The following PLCE1 variants were observed in gnomAD, a reference collection of about 807,000 sequenced individuals.
The protein encoded by PLCE1 is phospholipase C epsilon 1, also known as 1-phosphatidylinositol 4,5-bisphosphate phosphodiesterase epsilon-1.
Under a neutral mutation model 242.8 loss-of-function variants are expected in PLCE1, and 119 were observed. That is an observed-to-expected ratio of 0.49 (90% CI 0.42 to 0.57). The LOEUF is 0.57. Among genes scored for constraint, PLCE1 ranks in the 20% least tolerant of loss-of-function variants. PLCE1 has a pLI of 0.00. For synonymous variants in PLCE1, 945 were observed against 1,017.4 expected (o/e 0.93, Z 1.35); for missense variants, 2,441 against 2,788.8 (o/e 0.88, Z 2.81).
At chr10:94,070,890 G>C (rs536699691) in intron 2 of PLCE1, among the ~76,000 whole-genome samples, 1 of 152,014 alleles carries the variant, frequency 6.6e-6, no homozygotes, top group South Asian at 2.1e-4. Flanking sequence ...ACCCTCTTTT[G>C]CTATGAAGCT....
chr10:94,282,284 C>T (rs1372011548), intron 20 of PLCE1, among the ~76,000 whole-genome samples: 1 of 151,628 alleles, frequency 6.6e-6, no homozygotes, highest in South Asian at 2.1e-4. Context: ...TGCAAGAAAA[C>T]GCTAAGGAAG....
intron 1 of PLCE1, among the ~76,000 whole-genome samples, chr10:94,001,887 T>G (rs545007294): frequency 6.6e-6 from 1 of 152,340 alleles, no homozygotes; most frequent in African/African-American, 2.4e-5. Context: ...ACTCTGGGCA[T>G]GAAATTGTAT....
At chr10:94,226,702 C>T (rs2049950540) in intron 4 of PLCE1, among the ~76,000 whole-genome samples, 3 of 151,832 alleles carry the variant, frequency 2.0e-5, no homozygotes, top group Non-Finnish European at 4.4e-5. Flanking sequence ...TCAAAATTAT[C>T]CTTAGGCCTT....
At chr10:94,049,276 T>A (rs2134756113) in intron 2 of PLCE1, among the ~76,000 whole-genome samples, 1 of 152,336 alleles carries the variant, frequency 6.6e-6, no homozygotes, top group East Asian at 1.9e-4. Flanking sequence ...TATTTTCTGC[T>A]AGAAGCTTTA....
chr10:94,311,116 T>A lies in PLCE1; in HGVS notation c.6004-2138T>A, dbSNP rs547959323. ...TGGGAGGAGGAGTGCAGAGCTTCCA[T>A]GTCCTCTCCAGGCCACCCTCCCAGA... On this transcript the variant is annotated intron_variant, in intron 27 of 32. Coordinates refer to ENST00000371380, the MANE Select transcript of PLCE1 (RefSeq NM_016341.4). Among the ~76,000 whole-genome samples the A allele has an allele frequency of 9.8e-5, 15 of 152,318 alleles. No homozygotes were observed. The East Asian group carries it at 2.9e-3, about 29-fold the overall frequency.
In PLCE1 at chr10:94,098,999, G is replaced by T. The variant is rs1046360934; in HGVS notation, c.1207-33175G>T. On this transcript the variant is annotated intron_variant, in intron 2 of 32. Coordinates refer to ENST00000371380, the MANE Select transcript of PLCE1 (RefSeq NM_016341.4). ...AGGCCATCTGGGAAATGCAGGCAAAGTGGAAGTGCCTTTGCTTGGCTCCAA... is the reference window on the plus strand; with the variant it reads ...AGGCCATCTGGGAAATGCAGGCAAATTGGAAGTGCCTTTGCTTGGCTCCAA... 2.0e-5 allele frequency among the ~76,000 whole-genome samples: 3 copies of T among 152,190 alleles called. No individual in the cohort carries two copies. The South Asian group carries it at 6.2e-4, about 31-fold the overall frequency.
intron 5 of PLCE1, among the ~76,000 whole-genome samples, chr10:94,228,145 T>A (rs2050012141): frequency 6.6e-6 from 1 of 152,260 alleles, no homozygotes; most frequent in Non-Finnish European, 1.5e-5. Context: ...GTTCTTATGC[T>A]TTTTCCATCA....
intron 28 of PLCE1, chr10:94,315,595 C>A: frequency 2.3e-6 from 1 of 431,324 alleles, no homozygotes; most frequent in Admixed American, 2.5e-5. Context: ...ATGGTGAAAC[C>A]CTGTCTCCAC....
At position 94,304,566 on chromosome 10, in the gene PLCE1, A is replaced by G. The variant is rs1404986261; in HGVS notation, c.5543A>G (p.Lys1848Arg). The change falls in exon 25 of 33, where the codon AAG becomes AGG. Residue 1848 changes from lysine to arginine, a missense_variant. Lys to Arg is a conservative substitution (Grantham distance 26, BLOSUM62 2). Transcript: ENST00000371380. ...TTGAAACCTCCAGTTCTGTGGGACA[A>G]GAACTGCCCCATGTATCAGAAGTTT... ...YVLKPPVLWD[K>R]NCPMYQKFSP... 6.2e-7 allele frequency: 1 copy of G among 1,613,768 alleles called. No homozygotes were observed. Among genetic ancestry groups the G allele is most frequent in the South Asian group, 1.1e-5 (1 of 91,082 alleles).
intron 4 of PLCE1, among the ~76,000 whole-genome samples, chr10:94,217,272 G>C (rs547158124): frequency 6.6e-6 from 1 of 152,100 alleles, no homozygotes; most frequent in Non-Finnish European, 1.5e-5. Flanking sequence ...TTTACATGGA[G>C]AGTGTTGTTA....
chr10:94,149,940 A>G (rs2047223014), intron 3 of PLCE1, among the ~76,000 whole-genome samples: 1 of 152,164 alleles, frequency 6.6e-6, no homozygotes, highest in Non-Finnish European at 1.5e-5. Context: ...TATTTTTTAT[A>G]TTTATATCTG....
chr10:94,197,111 C>T (rs555686945), intron 4 of PLCE1, among the ~76,000 whole-genome samples: 5 of 152,178 alleles, frequency 3.3e-5, no homozygotes, highest in South Asian at 2.1e-4. Flanking sequence ...TTTTGTCTGG[C>T]ATCTTTCACT....
chr10:94,234,043 A>C lies in PLCE1; in HGVS notation c.1956-11A>C, dbSNP rs541430077. 2 of 1,609,928 alleles carry C rather than the reference A, an allele frequency of 1.2e-6. No homozygotes were observed. Among genetic ancestry groups the C allele is most frequent in the Non-Finnish European group, 1.7e-6 (2 of 1,176,328 alleles). ...TCCTTCAGTCTGAAAAATGTCATTTACTTGCAATAGGTCAAGAAAAGTTTT... is the reference window on the plus strand; with the variant it reads ...TCCTTCAGTCTGAAAAATGTCATTTCCTTGCAATAGGTCAAGAAAAGTTTT... On this transcript the variant is annotated splice_polypyrimidine_tract_variant and intron_variant, in intron 5 of 32. Coordinates refer to ENST00000371380, the MANE Select transcript of PLCE1 (RefSeq NM_016341.4).
chr10:94,019,112 C>G (rs1161983706), intron 1 of PLCE1, among the ~76,000 whole-genome samples: 1 of 151,954 alleles, frequency 6.6e-6, no homozygotes, highest in Non-Finnish European at 1.5e-5. Context: ...CTTATTTTTC[C>G]CCATTTTGCA....
intron 4 of PLCE1, among the ~76,000 whole-genome samples, chr10:94,223,726 C>G (rs2049842560): frequency 6.6e-6 from 1 of 152,142 alleles, no homozygotes; most frequent in African/African-American, 2.4e-5. Flanking sequence ...CAGATTCTCT[C>G]CTCATTCTGT....
At chr10:94,232,665 CT>C (rs1051629723) in intron 5 of PLCE1, among the ~76,000 whole-genome samples, 16 of 152,310 alleles carry the variant, frequency 1.1e-4, no homozygotes, top group African/African-American at 3.8e-4. Flanking sequence ...TCCTCACCCC[CT>C]GGGGTCCTGT....
chr10:94,217,317 AAAAG>A (rs1156793424), intron 4 of PLCE1, among the ~76,000 whole-genome samples: 1 of 152,154 alleles, frequency 6.6e-6, no homozygotes, highest in East Asian at 1.9e-4. Flanking sequence ...TGCAAAGAGG[AAAAG>A]AAATTGATTT....
At chr10:94,239,231 A>G (rs1435304080) in intron 7 of PLCE1, among the ~76,000 whole-genome samples, 1 of 152,154 alleles carries the variant, frequency 6.6e-6, no homozygotes, top group Non-Finnish European at 1.5e-5. Flanking sequence ...TCTCATCTTG[A>G]TTTGTAATCC....
intron 4 of PLCE1, among the ~76,000 whole-genome samples, chr10:94,220,165 G>A (rs2049674336): frequency 6.7e-6 from 1 of 150,002 alleles, no homozygotes; most frequent in Admixed American, 6.7e-5. Flanking sequence ...CTTGGTCTAG[G>A]ACAACATTTT....
Sources: allele counts gnomAD v4.1 joint callset (sites outside exome capture counted in the v4.1 genomes callset), GRCh38; gene constraint gnomAD v4.1.1; transcripts MANE v1.5; gene names NCBI Gene and HGNC (gene_info 2026-07-23, HGNC 2026-07-21).